ARID1A: variants seen among roughly 807,000 people sequenced by gnomAD.
ARID1A encodes the protein AT-rich interactive domain-containing protein 1A.
A neutral mutation model predicts 212.6 loss-of-function variants in ARID1A; 20 were observed. The observed-to-expected ratio is 0.09, with a 90% CI of 0.07 to 0.14. ARID1A has a LOEUF of 0.14. Ranked by LOEUF, ARID1A falls within the 10% of genes least tolerant of loss-of-function variation. ARID1A has a pLI of 1.00. For missense variants in ARID1A, 2,587 were observed against 3,059.0 expected, an observed-to-expected ratio of 0.85 and a Z score of 3.64; for synonymous variants, 1,376 against 1,222.1, an observed-to-expected ratio of 1.13 and a Z score of -2.63.
chr1:26,697,396 C>T lies in ARID1A; in HGVS notation c.993C>T (p.Asp331=), dbSNP rs1269113929. 2 of 1,328,202 alleles carry T rather than the reference C, an allele frequency of 1.5e-6. No homozygotes were observed. The highest frequency in any genetic ancestry group is 1.9e-6 in the Non-Finnish European group (2 of 1,048,174). The allele number at this position is 1,328,202 out of a possible 1,614,324, so 82.3% of individuals were successfully genotyped here. ...GGGGCGCCGGCAAGGGCCCGGCGGA[C>T]ATGGCCTCGCAGTGTTGGGGGGCTG... ...QDGGAGKGPA[D]MASQCWGAAA... Residue 331 remains aspartate (D), a synonymous_variant, in exon 1 of 20, where the codon GAC becomes GAT. Coordinates refer to ENST00000324856, the MANE Select transcript of ARID1A (RefSeq NM_006015.6).
intron 1 of ARID1A, among the ~76,000 whole-genome samples, chr1:26,714,828 G>A (rs554589096): frequency 6.6e-6 from 1 of 152,284 alleles, no homozygotes; most frequent in Admixed American, 6.5e-5. Context: ...GTATTTTGGG[G>A]AAGTAGTCCA....
intron 4 of ARID1A, among the ~76,000 whole-genome samples, chr1:26,751,847 C>G (rs192510550): frequency 2.0e-5 from 3 of 152,312 alleles, no homozygotes; most frequent in Admixed American, 2.0e-4. Context: ...CAAGAAGAGT[C>G]TTAACCCTTC....
At position 26,705,449 on chromosome 1, in the gene ARID1A, T is replaced by C. The variant is rs554118091; in HGVS notation, c.1137+7909T>C. Among the ~76,000 whole-genome samples, 251 of 148,976 alleles carry C rather than the reference T, an allele frequency of 1.7e-3. No homozygotes were observed. The Middle Eastern group carries it at 0.017, about 10-fold the overall frequency. ...GCCACCACGCCCAGCCTTTTTTTTT[T>C]TTCCCCCCCCCTCAAGTAATGGTCC... On this transcript the variant is annotated intron_variant, in intron 1 of 19. Transcript: ENST00000324856.
At chr1:26,773,018 G>T in intron 14 of ARID1A, 31 bp downstream of exon 14, 1 of 1,590,586 alleles carries the variant, frequency 6.3e-7, no homozygotes, top group Non-Finnish European at 8.6e-7. Context: ...TTGAACTTGT[G>T]CTCGTAAAGA....
chr1:26,702,781 C>T (rs932879622), intron 1 of ARID1A, among the ~76,000 whole-genome samples: 1 of 152,060 alleles, frequency 6.6e-6, no homozygotes, highest in African/African-American at 2.4e-5. Flanking sequence ...GGTAGTGAAA[C>T]CTCTGTGGCC....
In ARID1A at chr1:26,696,637, G is replaced by T; in HGVS notation, c.234G>T (p.Glu78Asp). 7.7e-7 allele frequency: 1 copy of T among 1,296,060 alleles called. No homozygotes were observed. Among genetic ancestry groups the T allele is most frequent in the Non-Finnish European group, 9.7e-7 (1 of 1,026,446 alleles). 80.3% of individuals were successfully genotyped at this position (1,296,060 alleles called of 1,614,324 possible). A position where few individuals can be genotyped will look rare whatever the true frequency, so the allele number is the denominator to read the frequency against. The change falls in exon 1 of 20, where the codon GAG becomes GAT. Residue 78 changes from glutamate to aspartate, a missense_variant. Glu to Asp is a conservative substitution (Grantham distance 45). This residue lies in a region of ARID1A where 735 missense variants were observed against 590.6 expected (regional missense o/e 1.24). Transcript: ENST00000324856. ...PLGKELQDGA[E>D]SNGGGGGGGA... ...GAAAGGAGCTGCAGGACGGGGCCGA[G>T]AGCAATGGGGGTGGCGGCGGCGGCG... is the stretch of plus-strand genomic sequence containing the variant.
chr1:26,762,439 C>A, intron 7 of ARID1A, 120 bp downstream of exon 7: 1 of 1,175,014 alleles, frequency 8.5e-7, no homozygotes, highest in East Asian at 2.6e-5. Context: ...GCCTTTAATC[C>A]ACCCAGCCCA....
At position 26,775,103 on chromosome 1, in the gene ARID1A, G is replaced by C. The variant is rs749910396; in HGVS notation, c.4876G>C (p.Ala1626Pro). 1 of 1,612,832 alleles carries C rather than the reference G, an allele frequency of 6.2e-7. No individual in the cohort carries two copies. The highest frequency in any genetic ancestry group is 1.3e-5 in the African/African-American group (1 of 74,642). ...AGPPVPASHI[A>P]PAPVQPPMIR... ...TCCCCCAGTACCTGCCTCGCACATA[G>C]CACCTGCCCCTGTGCAGCCCCCCAT... Residue 1626 changes from alanine to proline, a missense_variant, in exon 18 of 20, where the codon GCA becomes CCA. Around this residue, in one of 11 missense-constraint regions of ARID1A, gnomAD observed 890 missense variants for 1,098.2 expected, o/e 0.81. Transcript: ENST00000324856.
rs760744274 is a variant in ARID1A, at chr1:26,697,224, T to C, written c.821T>C (p.Met274Thr). The change falls in exon 1 of 20, where the codon ATG becomes ACG. Residue 274 changes from methionine to threonine, a missense_variant. Coordinates refer to ENST00000324856, the MANE Select transcript of ARID1A (RefSeq NM_006015.6). Reference protein sequence around the residue: ...SSFAQQRFGAMGGGGPSAAGG... With the variant: ...SSFAQQRFGATGGGGPSAAGG... Reference sequence around the variant, plus strand: ...TTCGCTCAGCAGCGCTTCGGGGCCATGGGGGGAGGCGGCCCCTCCGCGGCC... The same window carrying C: ...TTCGCTCAGCAGCGCTTCGGGGCCACGGGGGGAGGCGGCCCCTCCGCGGCC... 5.1e-6 allele frequency: 7 copies of C among 1,379,946 alleles called. No individual in the cohort carries two copies. In the South Asian group the frequency reaches 1.0e-4, roughly 20 times the overall value. 85.5% of individuals were successfully genotyped at this position (1,379,946 alleles called of 1,614,324 possible).
intron 1 of ARID1A, among the ~76,000 whole-genome samples, chr1:26,709,734 T>G (rs987563525): frequency 6.7e-6 from 1 of 148,424 alleles, no homozygotes; most frequent in African/African-American, 2.5e-5. Flanking sequence ...CATAGCCCAC[T>G]CTCAAACTCC....
At chr1:26,712,607 C>G (rs1169748836) in intron 1 of ARID1A, among the ~76,000 whole-genome samples, 1 of 152,142 alleles carries the variant, frequency 6.6e-6, no homozygotes, top group Non-Finnish European at 1.5e-5. Context: ...AGGAGGATCA[C>G]TTGAGCCCAG....
At position 26,696,224 on chromosome 1, in the gene ARID1A, G is replaced by C; in HGVS notation, c.-180G>C. 1.2e-6 allele frequency: 1 copy of C among 824,920 alleles called. No individual in the cohort carries two copies. The highest frequency in any genetic ancestry group is 1.6e-6 in the Non-Finnish European group (1 of 637,768). 51.1% of individuals were successfully genotyped at this position (824,920 alleles called of 1,614,324 possible). A position where few individuals can be genotyped will look rare whatever the true frequency, so the allele number is the denominator to read the frequency against. On this transcript the variant is annotated 5_prime_UTR_variant, in exon 1 of 20. Transcript: ENST00000324856. ...CTCCTCCTCCGCCGCCGCCAGCCCG[G>C]AGCCTGAGCCGGCGGGGCGGGGGGG...
At position 26,779,261 on chromosome 1, in the gene ARID1A, T is replaced by C. The variant is rs1160398471; in HGVS notation, c.5363T>C (p.Ile1788Thr). Reference protein sequence around the residue: ...EEEVVENDEEIAFSGKDKPAS... With the variant: ...EEEVVENDEETAFSGKDKPAS... ...GAAGTAGTTGAAAATGATGAGGAGA[T>C]AGCCTTTTCAGGCAAGGACAAGCCA... The change falls in exon 20 of 20, where the codon ATA becomes ACA. Residue 1788 changes from isoleucine (I) to threonine (T), a missense_variant. Transcript: ENST00000324856. 1.9e-6 allele frequency: 3 copies of C among 1,614,146 alleles called. No individual in the cohort carries two copies.
At chr1:26,715,637 T>C (rs1161975044) in intron 1 of ARID1A, among the ~76,000 whole-genome samples, 1 of 152,232 alleles carries the variant, frequency 6.6e-6, no homozygotes, top group Non-Finnish European at 1.5e-5. Flanking sequence ...TTTCCATTTC[T>C]CAGGAATTTT....
At chr1:26,729,487 C>T (rs2080651661) in intron 1 of ARID1A, 164 bp from the exon 2 acceptor site, 16 of 721,796 alleles carry the variant, frequency 2.2e-5, no homozygotes, top group Non-Finnish European at 3.0e-5. Flanking sequence ...GGTTCTGAGG[C>T]GGGTCAGTTG....
chr1:26,713,278 C>G (rs1428673117), intron 1 of ARID1A, among the ~76,000 whole-genome samples: 1 of 152,006 alleles, frequency 6.6e-6, no homozygotes, highest in Non-Finnish European at 1.5e-5. Flanking sequence ...ATGGAAACTC[C>G]AGTAACTTTA....
rs2081196633 is a variant in ARID1A at position 26,781,630 on chromosome 1, CA to C, written c.*875del. On this transcript the variant is annotated 3_prime_UTR_variant, in exon 20 of 20. Coordinates refer to ENST00000324856, the MANE Select transcript of ARID1A (RefSeq NM_006015.6). ...ACGTGTGTATATATATGACGTTGTACATTGCACATACCCTTGGATCCCCACA... is the reference window on the plus strand; with the variant it reads ...ACGTGTGTATATATATGACGTTGTACTTGCACATACCCTTGGATCCCCACA... 4.3e-6 allele frequency: 1 copy of C among 233,572 alleles called. No homozygotes were observed. The allele number at this position is 233,572 out of a possible 1,614,324, so 14.5% of individuals were successfully genotyped here. A position where few individuals can be genotyped will look rare whatever the true frequency, so the allele number is the denominator to read the frequency against.
At position 26,779,396 on chromosome 1, in the gene ARID1A, G is replaced by A. The variant is rs375198223; in HGVS notation, c.5498G>A (p.Arg1833His). 38 of 1,614,052 alleles carry A rather than the reference G, an allele frequency of 2.4e-5. No individual in the cohort carries two copies. Among genetic ancestry groups the A allele is most frequent in the Admixed American group, 1.2e-4 (7 of 60,004 alleles). Residue 1833 changes from arginine (R) to histidine (H), a missense_variant, in exon 20 of 20, where the codon CGT becomes CAT. Transcript: ENST00000324856. Reference protein sequence around the residue: ...FVVDCSDKLGRVQEFDSGLLH... With the variant: ...FVVDCSDKLGHVQEFDSGLLH... ...GTGGACTGCTCAGATAAGCTTGGGCGTGTGCAGGAGTTTGACAGTGGCCTG... is the reference window on the plus strand; with the variant it reads ...GTGGACTGCTCAGATAAGCTTGGGCATGTGCAGGAGTTTGACAGTGGCCTG...
chr1:26,746,460 T>TG (rs1286420917), intron 4 of ARID1A, among the ~76,000 whole-genome samples: 6 of 152,220 alleles, frequency 3.9e-5, no homozygotes, highest in African/African-American at 1.4e-4. Flanking sequence ...TGGGGAGACT[T>TG]GGGTCTTTTG....
Sources: allele counts gnomAD v4.1 joint callset (sites outside exome capture counted in the v4.1 genomes callset), GRCh38; gene constraint gnomAD v4.1.1; regional missense constraint gnomAD v4.1.1; transcripts MANE v1.5; gene names NCBI Gene and HGNC (gene_info 2026-07-23, HGNC 2026-07-21).